The following NCKAP1 variants were observed in gnomAD, a reference collection of about 807,000 sequenced individuals.
NCKAP1 encodes the protein NCK associated protein 1, also known as nck-associated protein 1.
In NCKAP1, 21 loss-of-function variants were observed where a neutral mutation model predicts 151.2. The observed-to-expected ratio is 0.14, with a 90% CI of 0.10 to 0.20. NCKAP1 has a LOEUF of 0.20. Among genes scored for constraint, NCKAP1 ranks in the 10% least tolerant of loss-of-function variants. The probability of loss-of-function intolerance (pLI) is 1.00; values close to 1 mark genes in which losing one functional copy is unlikely to be tolerated. For synonymous variants in NCKAP1, 484 were observed against 451.8 expected, an observed-to-expected ratio of 1.07 and a Z score of -0.90; for missense variants, 933 against 1,352.1, an observed-to-expected ratio of 0.69 and a Z score of 4.86.
At chr2:182,949,025 A>G (rs1356988295) in intron 23 of NCKAP1, among the ~76,000 whole-genome samples, 1 of 152,228 alleles carries the variant, frequency 6.6e-6, no homozygotes, top group Non-Finnish European at 1.5e-5. Context: ...AGGAAGAGAA[A>G]GATGATACAT....
intron 18 of NCKAP1, among the ~76,000 whole-genome samples, chr2:182,960,865 T>A (rs1368183393): frequency 2.0e-5 from 3 of 151,842 alleles, no homozygotes; most frequent in Non-Finnish European, 4.4e-5. Context: ...GAATCTACAA[T>A]GAACTCAAAC....
chr2:183,028,320 A>T (rs891344988), intron 1 of NCKAP1, among the ~76,000 whole-genome samples: 1 of 152,176 alleles, frequency 6.6e-6, no homozygotes, highest in Non-Finnish European at 1.5e-5. Context: ...TTGAGTCAGC[A>T]TATTTTCATA....
chr2:183,017,771 GA>G (rs1698721786), intron 2 of NCKAP1, among the ~76,000 whole-genome samples: 1 of 152,070 alleles, frequency 6.6e-6, no homozygotes, highest in Non-Finnish European at 1.5e-5. Flanking sequence ...AGTCATTTAG[GA>G]AAACCCACAT....
chr2:182,947,517 T>C (rs1458889803), intron 23 of NCKAP1, among the ~76,000 whole-genome samples: 1 of 152,216 alleles, frequency 6.6e-6, no homozygotes, highest in Admixed American at 6.5e-5. Flanking sequence ...CTTATGTCTC[T>C]GATTTCCCAG....
Position 182,989,162 on chromosome 2 carries a change from A to C in NCKAP1, c.815T>G (p.Ile272Ser), listed in dbSNP as rs920794438. Residue 272 changes from isoleucine (I) to serine (S), a missense_variant, in exon 9 of 31, where the codon ATC becomes AGC. Coordinates refer to ENST00000361354, the MANE Select transcript of NCKAP1 (RefSeq NM_013436.5). Reference sequence around the variant, plus strand: ...CAGTGCTGTAGCGTCAGTATTTAGGATCCCATGGCACAAAATAAAGCCAAC... The same window carrying C: ...CAGTGCTGTAGCGTCAGTATTTAGGCTCCCATGGCACAAAATAAAGCCAAC... ...IIFGFILCHG[I>S]LNTDATALNL... 5 of 1,602,180 alleles carry C rather than the reference A, an allele frequency of 3.1e-6. No individual in the cohort carries two copies. The highest frequency in any genetic ancestry group is 1.1e-5 in the South Asian group (1 of 88,142).
At chr2:183,029,438 T>C (rs77227040) in intron 1 of NCKAP1, among the ~76,000 whole-genome samples, 8,213 of 151,982 alleles carry the variant, frequency 0.054, 295 homozygotes, top group Non-Finnish European at 0.08. Flanking sequence ...GTTACTATTT[T>C]TCCAAGAACT....
intron 8 of NCKAP1, 117 bp from the exon 9 acceptor site, chr2:182,989,303 T>C (rs1043561093): frequency 2.9e-6 from 2 of 701,740 alleles, no homozygotes; most frequent in African/African-American, 1.8e-5. Context: ...TTGAGGCTTC[T>C]GAGTGACAGT....
At chr2:183,018,172 G>T (rs1054077568) in intron 2 of NCKAP1, among the ~76,000 whole-genome samples, 3 of 152,036 alleles carry the variant, frequency 2.0e-5, no homozygotes, top group Non-Finnish European at 2.9e-5. Flanking sequence ...GCTTGAATTC[G>T]GGAGGCAGAG....
chr2:183,019,356 A>C (rs1414022436), intron 2 of NCKAP1, among the ~76,000 whole-genome samples: 1 of 152,190 alleles, frequency 6.6e-6, no homozygotes, highest in Non-Finnish European at 1.5e-5. Flanking sequence ...GAGAAAAAAA[A>C]AGTTTAAAAA....
At chr2:182,944,829 T>C (rs1480071871) in intron 23 of NCKAP1, among the ~76,000 whole-genome samples, 2 of 152,208 alleles carry the variant, frequency 1.3e-5, no homozygotes, top group Non-Finnish European at 2.9e-5. Flanking sequence ...TGGCCAGGCA[T>C]GGTGACTCAC....
In NCKAP1 at chr2:182,937,542, G is replaced by A. The variant is rs141410898; in HGVS notation, c.2696-2167C>T. 5.2e-3 allele frequency among the ~76,000 whole-genome samples: 793 copies of A among 152,262 alleles called. 5 individuals carry two copies. Among genetic ancestry groups the A allele is most frequent in the African/African-American group, 0.017 (726 of 41,540 alleles). On this transcript the variant is annotated intron_variant, in intron 24 of 30. Coordinates refer to ENST00000361354, the MANE Select transcript of NCKAP1 (RefSeq NM_013436.5). ...TAATAGCTTTTGAAGGTCATGCTAA[G>A]GAGTTTATACTGTATCCTTCAAGCA...
chr2:182,998,493 G>C (rs1424292477), intron 6 of NCKAP1, among the ~76,000 whole-genome samples: 1 of 151,970 alleles, frequency 6.6e-6, no homozygotes, highest in African/African-American at 2.4e-5. Flanking sequence ...ACAAAAATTA[G>C]CAGTATTTCT....
chr2:182,994,882 A>G lies in NCKAP1; in HGVS notation c.747T>C (p.Pro249=). The change falls in exon 8 of 31, where the codon CCT becomes CCC. Residue 249 remains proline (P), a synonymous_variant. Transcript: ENST00000361354. ...MLNPAQSDTM[P]CEYLSLDAME... is the part of the protein sequence containing the mutation. ...TTGCATCCAAAGAGAGGTATTCACAAGGCATCTTAAAAAGAGAATATATAC... is the reference window on the plus strand; with the variant it reads ...TTGCATCCAAAGAGAGGTATTCACAGGGCATCTTAAAAAGAGAATATATAC... The G allele has an allele frequency of 6.2e-7, 1 of 1,604,208 alleles. No individual in the cohort carries two copies. The highest frequency in any genetic ancestry group is 2.2e-5 in the East Asian group (1 of 44,758).
At chr2:182,974,363 C>T (rs1234444953) in intron 15 of NCKAP1, among the ~76,000 whole-genome samples, 1 of 151,688 alleles carries the variant, frequency 6.6e-6, no homozygotes, top group South Asian at 2.1e-4. Context: ...TGAATTGTAT[C>T]CCCGAAGAAA....
At chr2:183,011,452 TC>T (rs911835773) in intron 2 of NCKAP1, among the ~76,000 whole-genome samples, 7 of 152,220 alleles carry the variant, frequency 4.6e-5, no homozygotes, top group African/African-American at 1.2e-4. Context: ...CTGCTGTTAC[TC>T]CCAAGCCCTA....
chr2:182,932,169 C>T (rs1461227705), intron 26 of NCKAP1, among the ~76,000 whole-genome samples: 1 of 152,092 alleles, frequency 6.6e-6, no homozygotes, highest in Admixed American at 6.6e-5. Context: ...AACTTGTACA[C>T]GGATGTTCAC....
intron 24 of NCKAP1, among the ~76,000 whole-genome samples, chr2:182,940,658 T>C (rs943232540): frequency 6.6e-6 from 1 of 152,224 alleles, no homozygotes; most frequent in Non-Finnish European, 1.5e-5. Flanking sequence ...CAGGCTGGTC[T>C]GGAATTCCTG....
At chr2:182,986,021 G>T (rs935970054) in intron 10 of NCKAP1, 150 bp downstream of exon 10, 8 of 701,030 alleles carry the variant, frequency 1.1e-5, no homozygotes, top group Non-Finnish European at 2.0e-5. Context: ...TACATATTGA[G>T]GCAATATACT....
chr2:182,946,182 G>C (rs567116386), intron 23 of NCKAP1, among the ~76,000 whole-genome samples: 8 of 152,220 alleles, frequency 5.3e-5, no homozygotes, highest in African/African-American at 1.9e-4. Flanking sequence ...GGTGGATCAC[G>C]AGGTCAGGAG....
Sources: allele counts gnomAD v4.1 joint callset (sites outside exome capture counted in the v4.1 genomes callset), GRCh38; gene constraint gnomAD v4.1.1; transcripts MANE v1.5; gene names NCBI Gene and HGNC (gene_info 2026-07-23, HGNC 2026-07-21).